The following GANC variants were observed in gnomAD, a reference collection of about 807,000 sequenced individuals.
The protein encoded by GANC is glucosidase alpha, neutral C, also known as neutral alpha-glucosidase C.
Under a neutral mutation model 124.2 loss-of-function variants are expected in GANC, and 117 were observed. That is an observed-to-expected ratio of 0.94 (90% CI 0.81 to 1.10). The LOEUF (loss-of-function observed/expected upper bound fraction) is 1.10, where lower values mean the gene tolerates loss of function less well. Among genes scored for constraint, GANC ranks in the 50% least tolerant of loss-of-function variants. GANC has a pLI of 0.00. For missense variants in GANC, 1,140 were observed against 1,095.0 expected, an observed-to-expected ratio of 1.04 and a Z score of -0.58; for synonymous variants, 377 against 376.8, an observed-to-expected ratio of 1.00 and a Z score of -0.01.
intron 19 of GANC, among the ~76,000 whole-genome samples, chr15:42,344,258 A>C (rs1034924186): frequency 6.6e-6 from 1 of 152,182 alleles, no homozygotes; most frequent in Admixed American, 6.5e-5. Context: ...AGGTGTCATC[A>C]GGGTTGGTTT....
intron 3 of GANC, among the ~76,000 whole-genome samples, chr15:42,283,130 A>T (rs1446056231): frequency 6.6e-6 from 1 of 152,200 alleles, no homozygotes; most frequent in Non-Finnish European, 1.5e-5. Context: ...ATGTTCCAGG[A>T]CATAGATCTG....
intron 3 of GANC, among the ~76,000 whole-genome samples, chr15:42,284,821 T>C (rs980784525): frequency 6.6e-5 from 10 of 152,180 alleles, no homozygotes; most frequent in Admixed American, 5.9e-4. Context: ...TAAATACTTC[T>C]AAGGGAGCAA....
At chr15:42,330,764 CTTTTCCTT>C in intron 15 of GANC, 92 bp downstream of exon 15, 1 of 555,092 alleles carries the variant, frequency 1.8e-6, no homozygotes, top group South Asian at 2.6e-5. Flanking sequence ...TGATGCCTTC[CTTTTCCTT>C]TTTTTTTTTT....
chr15:42,316,701 G>C (rs181124988), intron 10 of GANC, among the ~76,000 whole-genome samples: 45 of 152,282 alleles, frequency 3.0e-4, no homozygotes, highest in African/African-American at 1.0e-3. Flanking sequence ...ATAATATCCA[G>C]CCTCCCACAG....
At chr15:42,340,320 G>C (rs2052319752) in intron 17 of GANC, among the ~76,000 whole-genome samples, 1 of 152,116 alleles carries the variant, frequency 6.6e-6, no homozygotes, top group South Asian at 2.1e-4. Context: ...CCTTTGAATA[G>C]TTATAAAACT....
rs1434875880 is a variant in GANC at position 42,273,852 on chromosome 15, T to C, written c.-630T>C. On this transcript the variant is annotated 5_prime_UTR_variant, in exon 1 of 24. Coordinates refer to ENST00000318010, the MANE Select transcript of GANC (RefSeq NM_198141.3). ...GTAGTGAGTTCTCCGGTTTGGGTGG[T>C]ATTTAAGCAAAGGCTGGAATTCGGC... 5.0e-6 allele frequency: 1 copy of C among 198,386 alleles called. No homozygotes were observed. The highest frequency in any genetic ancestry group is 5.4e-5 in the Admixed American group (1 of 18,686). 12.3% of individuals were successfully genotyped at this position (198,386 alleles called of 1,614,324 possible).
chr15:42,287,946 T>A, intron 4 of GANC, 128 bp downstream of exon 4: 1 of 897,288 alleles, frequency 1.1e-6, no homozygotes, highest in Non-Finnish European at 1.6e-6. Context: ...TAGGTTGGTG[T>A]AAAAGTAATT....
intron 1 of GANC, 152 bp from the exon 2 acceptor site, chr15:42,276,196 T>C (rs1297756257): frequency 9.0e-6 from 5 of 554,456 alleles, no homozygotes; most frequent in Non-Finnish European, 9.9e-6. Flanking sequence ...TAATGTGCTA[T>C]TATGTTATAC....
intron 6 of GANC, among the ~76,000 whole-genome samples, chr15:42,304,964 A>G (rs541639654): frequency 2.6e-5 from 4 of 152,366 alleles, no homozygotes; most frequent in African/African-American, 9.6e-5. Flanking sequence ...TTAACTCAAG[A>G]TGAATTAAAG....
At chr15:42,293,015 G>A (rs2051856713) in intron 5 of GANC, 98 bp downstream of exon 5, 1 of 1,209,330 alleles carries the variant, frequency 8.3e-7, no homozygotes, top group Non-Finnish European at 1.2e-6. Context: ...TAGAAAATTG[G>A]TTTGCCTTAT....
chr15:42,317,734 G>A (rs1566956583), intron 10 of GANC, among the ~76,000 whole-genome samples: 1 of 152,186 alleles, frequency 6.6e-6, no homozygotes, highest in Non-Finnish European at 1.5e-5. Flanking sequence ...TCTAGCCCAT[G>A]TTCAGTTCCA....
intron 2 of GANC, among the ~76,000 whole-genome samples, chr15:42,277,171 A>G (rs2051679225): frequency 6.6e-6 from 1 of 152,146 alleles, no homozygotes; most frequent in African/African-American, 2.4e-5. Context: ...TGCATTTGAA[A>G]TGTGTTAACT....
chr15:42,299,896 G>A (rs1361001825), intron 6 of GANC, among the ~76,000 whole-genome samples: 1 of 152,162 alleles, frequency 6.6e-6, no homozygotes, highest in African/African-American at 2.4e-5. Context: ...GGTGCTGAGA[G>A]AACTGGCTAG....
At chr15:42,338,580 C>G (rs2052302539) in intron 16 of GANC, 90 bp downstream of exon 16, 16 of 887,002 alleles carry the variant, frequency 1.8e-5, no homozygotes, top group Middle Eastern at 2.2e-4. Flanking sequence ...TTCTCATTAG[C>G]TGTTGTGGGC....
chr15:42,318,204 CT>C (rs1196123466), intron 10 of GANC, among the ~76,000 whole-genome samples: 4 of 152,144 alleles, frequency 2.6e-5, no homozygotes, highest in Non-Finnish European at 5.9e-5. Flanking sequence ...TGTTGTATCC[CT>C]CCTTTCTTCA....
rs1246148002 is a variant in GANC at position 42,273,934 on chromosome 15, C to T, written c.-548C>T. On this transcript the variant is annotated 5_prime_UTR_variant, in exon 1 of 24. Coordinates refer to ENST00000318010, the MANE Select transcript of GANC (RefSeq NM_198141.3). The stretch of plus-strand genomic sequence containing the variant: ...GTAGTGTAACAACCTTCAAAGGCCC[C>T]TTCTAGCCCTGAAGAGTACGATGCT... 1 of 195,202 alleles carries T rather than the reference C, an allele frequency of 5.1e-6. No homozygotes were observed. The highest frequency in any genetic ancestry group is 2.4e-5 in the African/African-American group (1 of 42,068). The allele number at this position is 195,202 out of a possible 1,614,324, so 12.1% of individuals were successfully genotyped here. A position where few individuals can be genotyped will look rare whatever the true frequency, so the allele number is the denominator to read the frequency against.
At chr15:42,287,202 A>G (rs923751236) in intron 3 of GANC, among the ~76,000 whole-genome samples, 5 of 152,190 alleles carry the variant, frequency 3.3e-5, no homozygotes, top group Admixed American at 3.3e-4. Context: ...ATCCACCACT[A>G]GAGAACTCCA....
At chr15:42,333,769 T>A (rs1227810355) in intron 15 of GANC, among the ~76,000 whole-genome samples, 3 of 152,210 alleles carry the variant, frequency 2.0e-5, no homozygotes, top group Non-Finnish European at 4.4e-5. Flanking sequence ...TCAGTATGGG[T>A]TAAATAAATG....
intron 14 of GANC, among the ~76,000 whole-genome samples, chr15:42,330,304 A>G (rs192372735): frequency 2.0e-5 from 3 of 152,308 alleles, no homozygotes; most frequent in Admixed American, 2.0e-4. Flanking sequence ...AATTATATTA[A>G]ATGCCTAGCA....
Sources: allele counts gnomAD v4.1 joint callset (sites outside exome capture counted in the v4.1 genomes callset), GRCh38; gene constraint gnomAD v4.1.1; transcripts MANE v1.5; gene names NCBI Gene and HGNC (gene_info 2026-07-23, HGNC 2026-07-21).